The following FAM193A variants were observed in gnomAD, a reference collection of about 807,000 sequenced individuals.
The protein encoded by FAM193A is family with sequence similarity 193 member A.
FAM193A carries 22 observed loss-of-function variants against 126.5 expected under a neutral mutation model. That is an observed-to-expected ratio of 0.17 (90% CI 0.12 to 0.25). The LOEUF (loss-of-function observed/expected upper bound fraction) is 0.25, where lower values mean the gene tolerates loss of function less well. FAM193A is among the 10% of genes least tolerant of loss of function. The pLI, the probability that FAM193A is intolerant of heterozygous loss-of-function variation, is 1.00. For synonymous variants in FAM193A, 761 were observed against 646.8 expected (o/e 1.18, Z -2.68); for missense variants, 1,675 against 1,672.8 (o/e 1.00, Z -0.02).
intron 1 of FAM193A, among the ~76,000 whole-genome samples, chr4:2,546,791 TA>T (rs1193140676): frequency 6.6e-6 from 1 of 152,050 alleles, no homozygotes; most frequent in Non-Finnish European, 1.5e-5. Flanking sequence ...TACCAAGGAG[TA>T]GGAGCTGGTC....
intron 20 of FAM193A, among the ~76,000 whole-genome samples, chr4:2,727,570 AT>A (rs1720895679): frequency 6.6e-6 from 1 of 152,182 alleles, no homozygotes; most frequent in Non-Finnish European, 1.5e-5. Context: ...ATTAATTTGA[AT>A]TTACTTGAAA....
At chr4:2,605,970 C>CAAAAAAAAAA (rs1160026686) in intron 2 of FAM193A, among the ~76,000 whole-genome samples, 4 of 31,892 alleles carry the variant, frequency 1.3e-4, no homozygotes, top group African/African-American at 3.2e-4. Context: ...GACTCTGTCT[C>CAAAAAAAAAA]AAAAAAAAAA....
chr4:2,715,526 G>A, intron 19 of FAM193A: 1 of 990,834 alleles, frequency 1.0e-6, no homozygotes, highest in Middle Eastern at 5.2e-4. Context: ...CCACCTTCCT[G>A]TAGGGTTGAT....
intron 7 of FAM193A, among the ~76,000 whole-genome samples, chr4:2,653,042 C>G (rs1269521625): frequency 6.6e-6 from 1 of 152,144 alleles, no homozygotes; most frequent in Non-Finnish European, 1.5e-5. Context: ...ACATCCTGCC[C>G]CTAAGAGCCT....
chr4:2,554,081 C>T (rs1443806082), intron 1 of FAM193A, among the ~76,000 whole-genome samples: 11 of 151,902 alleles, frequency 7.2e-5, no homozygotes, highest in African/African-American at 2.2e-4. Flanking sequence ...GTTATCTCTC[C>T]CTTTTATTTA....
chr4:2,633,903 A>G (rs34509041), intron 5 of FAM193A, among the ~76,000 whole-genome samples: 13,334 of 152,196 alleles, frequency 0.088, 1,103 homozygotes, highest in African/African-American at 0.21. Flanking sequence ...CAAAAAAAAG[A>G]TGAAATCTTT....
At chr4:2,649,909 G>A (rs1422889743) in intron 7 of FAM193A, among the ~76,000 whole-genome samples, 2 of 152,308 alleles carry the variant, frequency 1.3e-5, no homozygotes, top group Non-Finnish European at 2.9e-5. Flanking sequence ...ATTACCGCCT[G>A]AACTTCTCAT....
chr4:2,537,475 C>T (rs1466591028), intron 1 of FAM193A, among the ~76,000 whole-genome samples: 2 of 152,200 alleles, frequency 1.3e-5, no homozygotes, highest in African/African-American at 4.8e-5. Context: ...GGAGCAGCCC[C>T]TCAACGGGCG....
At chr4:2,694,853 A>G in intron 16 of FAM193A, 93 bp from the exon 17 acceptor site, 1 of 1,107,108 alleles carries the variant, frequency 9.0e-7, no homozygotes, top group Non-Finnish European at 1.3e-6. Context: ...TTGTCTGTGA[A>G]ATGGGCAGGA....
chr4:2,577,760 G>T (rs1485027153), intron 1 of FAM193A, among the ~76,000 whole-genome samples: 1 of 152,090 alleles, frequency 6.6e-6, no homozygotes, highest in Non-Finnish European at 1.5e-5. Context: ...GTAACAACTT[G>T]TTCCCATTCT....
intron 1 of FAM193A, among the ~76,000 whole-genome samples, chr4:2,551,892 G>A (rs976897643): frequency 9.9e-5 from 15 of 151,612 alleles, no homozygotes; most frequent in South Asian, 4.2e-4. Flanking sequence ...CTAGTCTGGA[G>A]TGCTGTGGCT....
Position 2,616,003 on chromosome 4 carries a change from G to T in FAM193A, c.502-9259G>T, listed in dbSNP as rs556655492. On this transcript the variant is annotated intron_variant, in intron 2 of 20. Coordinates refer to ENST00000637812, the MANE Select transcript of FAM193A (RefSeq NM_001366318.2). The stretch of plus-strand genomic sequence containing the variant: ...ATGTTTGTATTTTAGTAGAGACAGT[G>T]TTGCCCAGGCTGGTCTCGAACTCCT... Among the ~76,000 whole-genome samples the T allele has an allele frequency of 5.1e-4, 77 of 152,232 alleles. 2 individuals carry two copies. The South Asian group carries it at 0.015, about 29-fold the overall frequency.
At chr4:2,687,707 G>A (rs567425137) in intron 13 of FAM193A, among the ~76,000 whole-genome samples, 4 of 152,132 alleles carry the variant, frequency 2.6e-5, no homozygotes, top group African/African-American at 9.6e-5. Flanking sequence ...TCCTCCTTCC[G>A]CCTTCTGGTT....
At chr4:2,552,074 G>A (rs1029789290) in intron 1 of FAM193A, among the ~76,000 whole-genome samples, 1 of 143,896 alleles carries the variant, frequency 6.9e-6, no homozygotes, top group African/African-American at 2.6e-5. Context: ...TGCAGTGGCT[G>A]GATCTCGGCT....
chr4:2,626,419 G>T lies in FAM193A; in HGVS notation c.645G>T (p.Ser215=). ...CEACSERREI[S]AEADREPQQL... ...CTGTGTTGTCTCACAGAGAAATTTC[G>T]GCAGAGGCGGACCGGGAACCTCAGC... Residue 215 remains serine, a synonymous_variant, in exon 4 of 21, where the codon TCG becomes TCT. Coordinates refer to ENST00000637812, the MANE Select transcript of FAM193A (RefSeq NM_001366318.2). The T allele has an allele frequency of 1.4e-6, 1 of 699,028 alleles. No homozygotes were observed. The highest frequency in any genetic ancestry group is 1.5e-5 in the South Asian group (1 of 67,494). 43.3% of individuals were successfully genotyped at this position (699,028 alleles called of 1,614,324 possible).
chr4:2,720,598 G>C (rs924216503), intron 20 of FAM193A, among the ~76,000 whole-genome samples: 9 of 150,174 alleles, frequency 6.0e-5, no homozygotes, highest in Non-Finnish European at 1.3e-4. Context: ...GCTACAGTGA[G>C]CCAAGATGCA....
rs564289937 is a variant in FAM193A at position 2,642,708 on chromosome 4, G to A, written c.1163+2849G>A. Among the ~76,000 whole-genome samples the A allele has an allele frequency of 7.2e-4, 109 of 151,846 alleles. 1 individual carries two copies. Among genetic ancestry groups the A allele is most frequent in the Middle Eastern group, 6.8e-3 (2 of 292 alleles). On this transcript the variant is annotated intron_variant, in intron 6 of 20. Transcript: ENST00000637812. ...AGACTGTGGGTGGGTGACTGAAACC[G>A]GAAGTGCATCATAAAACTCCCATCT...
chr4:2,562,259 G>C (rs959604601), intron 1 of FAM193A, among the ~76,000 whole-genome samples: 2 of 152,074 alleles, frequency 1.3e-5, no homozygotes, highest in African/African-American at 4.8e-5. Flanking sequence ...ACAAGCCTGG[G>C]CAACATAGGG....
At chr4:2,553,636 T>C (rs846086) in intron 1 of FAM193A, among the ~76,000 whole-genome samples, 149,875 of 152,200 alleles carry the variant, frequency 0.98, 73,825 homozygotes, top group Middle Eastern at 1. Flanking sequence ...GCCTTGGCCT[T>C]CCAAAGTGCT....
Sources: allele counts gnomAD v4.1 joint callset (sites outside exome capture counted in the v4.1 genomes callset), GRCh38; gene constraint gnomAD v4.1.1; transcripts MANE v1.5; gene names NCBI Gene and HGNC (gene_info 2026-07-23, HGNC 2026-07-21).